The following TMEM214 variants were observed in gnomAD, a reference collection of about 807,000 sequenced individuals.
TMEM214 encodes transmembrane protein 214.
In TMEM214, 71 loss-of-function variants were observed where a neutral mutation model predicts 89.8. The ratio of observed to expected loss-of-function variants is 0.79; its 90% CI spans 0.65 to 0.96. TMEM214 has a LOEUF of 0.96. Ranked by LOEUF, TMEM214 falls within the 40% of genes least tolerant of loss-of-function variation. TMEM214 has a pLI of 0.00. For missense variants in TMEM214, 754 were observed against 843.4 expected (o/e 0.89, Z 1.31); for synonymous variants, 332 against 349.5 (o/e 0.95, Z 0.56).
chr2:27,040,543 TC>T (rs1308886009), intron 16 of TMEM214, 47 bp downstream of exon 16: 1 of 1,602,674 alleles, frequency 6.2e-7, no homozygotes, highest in Non-Finnish European at 8.5e-7. Context: ...GCAGCCCCAT[TC>T]CCGGGCCCCA....
At position 27,041,418 on chromosome 2, in the gene TMEM214, A is replaced by G. The variant is rs982881568; in HGVS notation, c.*581A>G. 1.9e-5 allele frequency: 3 copies of G among 154,448 alleles called. No individual in the cohort carries two copies. Among genetic ancestry groups the G allele is most frequent in the Non-Finnish European group, 4.4e-5 (3 of 68,588 alleles). The allele number at this position is 154,448 out of a possible 1,614,324, so 9.6% of individuals were successfully genotyped here. A position where few individuals can be genotyped will look rare whatever the true frequency, so the allele number is the denominator to read the frequency against. The stretch of plus-strand genomic sequence containing the variant: ...CTGGATGGAAATGCCTCTCACTTCA[A>G]AATGCCCAGCCTGCCCCAAATGCCT... On this transcript the variant is annotated 3_prime_UTR_variant, in exon 17 of 17. Transcript: ENST00000238788.
At position 27,038,112 on chromosome 2, in the gene TMEM214, C is replaced by T. The variant is rs1667650678; in HGVS notation, c.1153-34C>T. On this transcript the variant is annotated intron_variant, in intron 9 of 16. Coordinates refer to ENST00000238788, the MANE Select transcript of TMEM214 (RefSeq NM_017727.5). The surrounding 1 kb of genome is among the most constrained non-coding windows in gnomAD (Gnocchi z 4.4). ...CTCCCCGCCTCTGCCAGCCCCATGC[C>T]CCCAGCAGCCTCTCCCTCTGTCGTG... 1 of 1,613,876 alleles carries T rather than the reference C, an allele frequency of 6.2e-7. No individual in the cohort carries two copies. The highest frequency in any genetic ancestry group is 8.5e-7 in the Non-Finnish European group (1 of 1,179,894).
At chr2:27,034,749 AATTTTT>A in intron 2 of TMEM214, 1 of 211,312 alleles carries the variant, frequency 4.7e-6, no homozygotes, top group South Asian at 7.7e-5. Context: ...ACGCCTGGCT[AATTTTT>A]GTATTTTTAG....
rs190870924 is a variant in TMEM214 at position 27,034,234 on chromosome 2, C to T, written c.319C>T (p.Arg107Cys). Reference sequence around the variant, plus strand: ...TCCCAACCAAAACCAGAAGCAGGGCCGCTTCCGCAGCCTGGAGGAAGCACT... The same window carrying T: ...TCCCAACCAAAACCAGAAGCAGGGCTGCTTCCGCAGCCTGGAGGAAGCACT... ...TPPNQNQKQG[R>C]FRSLEEALKA... The change falls in exon 2 of 17, where the codon CGC becomes TGC. Residue 107 changes from arginine (R) to cysteine (C), a missense_variant. By Grantham distance (180) the Arg-to-Cys change is radical. Coordinates refer to ENST00000238788, the MANE Select transcript of TMEM214 (RefSeq NM_017727.5). 59 of 1,614,066 alleles carry T rather than the reference C, an allele frequency of 3.7e-5. No individual in the cohort carries two copies. The highest frequency in any genetic ancestry group is 5.5e-5 in the South Asian group (5 of 91,064).
chr2:27,036,778 G>C lies in TMEM214; in HGVS notation c.900G>C (p.Arg300=). 15 of 1,614,062 alleles carry C rather than the reference G, an allele frequency of 9.3e-6. No individual in the cohort carries two copies. The highest frequency in any genetic ancestry group is 1.3e-5 in the Non-Finnish European group (15 of 1,180,028). The change falls in exon 7 of 17, where the codon CGG becomes CGC. Residue 300 remains arginine (R), a synonymous_variant. Coordinates refer to ENST00000238788, the MANE Select transcript of TMEM214 (RefSeq NM_017727.5). ...LSPFAITYLD[R]LLLMHPNLTK... is the part of the protein sequence containing the mutation. ...CCTTTGCCATCACATACCTGGATCG[G>C]CTGCTCCTGTGAGTAATGGGAGGGC...
intron 3 of TMEM214, 147 bp downstream of exon 3, chr2:27,035,432 G>A: frequency 7.1e-7 from 1 of 1,413,478 alleles, no homozygotes; most frequent in Non-Finnish European, 9.6e-7. Flanking sequence ...ATGTTTCTGG[G>A]CCTCATTCTG....
In TMEM214 at chr2:27,037,747, C is replaced by T. The variant is rs772305146; in HGVS notation, c.1152+45C>T. On this transcript the variant is annotated intron_variant, in intron 9 of 16. Transcript: ENST00000238788. ...CTTTTTCTCCTTCCCCAGGGGTCAG[C>T]TGTAGCGGTCCCTATCTGCTGACAA... The T allele has an allele frequency of 1.9e-5, 31 of 1,614,052 alleles. No individual in the cohort carries two copies. In the East Asian group the frequency reaches 6.9e-4, roughly 36 times the overall value.
rs1398675641 is a variant in TMEM214 at position 27,037,510 on chromosome 2, A to G, written c.1011-51A>G. 1.9e-6 allele frequency: 3 copies of G among 1,612,658 alleles called. No homozygotes were observed. The East Asian group carries it at 6.7e-5, about 36-fold the overall frequency. On this transcript the variant is annotated intron_variant, in intron 8 of 16. Transcript: ENST00000238788. Reference sequence around the variant, plus strand: ...CTGAAGCAAGCAAAAGGTTCATATCATACAGCTCCACTTATAGCTTATGCC... The same window carrying G: ...CTGAAGCAAGCAAAAGGTTCATATCGTACAGCTCCACTTATAGCTTATGCC...
Position 27,033,015 on chromosome 2 carries a change from C to A in TMEM214, c.-1C>A. The stretch of plus-strand genomic sequence containing the variant: ...TGGCCGAGGAGGGAGGGCTGCGAGC[C>A]ATGGCGACCAAGACGGCGGGCGTGG... On this transcript the variant is annotated 5_prime_UTR_variant, in exon 1 of 17. Transcript: ENST00000238788. 8.0e-7 allele frequency: 1 copy of A among 1,246,652 alleles called. No homozygotes were observed. The highest frequency in any genetic ancestry group is 1.0e-6 in the Non-Finnish European group (1 of 987,854). 77.2% of individuals were successfully genotyped at this position (1,246,652 alleles called of 1,614,324 possible).
Position 27,034,095 on chromosome 2 carries a change from T to A in TMEM214, c.180T>A (p.Tyr60Ter). The change falls in exon 2 of 17, where the codon TAT becomes TAA. Residue 60 changes from tyrosine (Y) to a stop codon, truncating the protein, a stop_gained. Transcript: ENST00000238788. LOFTEE classifies it high-confidence loss of function. ...CAATCCAGACCACAAGCACCCTTTATGAGCGGGGCTTTGAGAATATCATGA... is the reference window on the plus strand; with the variant it reads ...CAATCCAGACCACAAGCACCCTTTAAGAGCGGGGCTTTGAGAATATCATGA... Reference protein sequence around the residue: ...TPAIQTTSTLYERGFENIMKR... With the variant: ...TPAIQTTSTL 1 of 1,614,084 alleles carries A rather than the reference T, an allele frequency of 6.2e-7. No homozygotes were observed. The highest frequency in any genetic ancestry group is 8.5e-7 in the Non-Finnish European group (1 of 1,180,018).
At position 27,037,161 on chromosome 2, in the gene TMEM214, C is replaced by T. The variant is rs878870687; in HGVS notation, c.993C>T (p.Asn331=). The part of the protein sequence containing the change: ...FPLLDFAYMP[N]NSLTPSLQEQ... The stretch of plus-strand genomic sequence containing the variant: ...TTCTGGACTTTGCCTATATGCCGAA[C>T]AACTCCCTGACACCCAGGTAGGACT... The change falls in exon 8 of 17, where the codon AAC becomes AAT. Residue 331 remains asparagine, a synonymous_variant. Transcript: ENST00000238788. 6.2e-7 allele frequency: 1 copy of T among 1,613,910 alleles called. No individual in the cohort carries two copies. The highest frequency in any genetic ancestry group is 1.1e-5 in the South Asian group (1 of 91,052).
Position 27,040,204 on chromosome 2 carries a change from T to C in TMEM214, c.1791+6T>C, listed in dbSNP as rs761775221. On this transcript the variant is annotated splice_donor_region_variant and intron_variant, in intron 15 of 16. Transcript: ENST00000238788. Reference sequence around the variant, plus strand: ...TCACCAGTCTCTCTCAGAGGGTAAGTCAGAGACAGGGAGTCAAATAAGGGG... The same window carrying C: ...TCACCAGTCTCTCTCAGAGGGTAAGCCAGAGACAGGGAGTCAAATAAGGGG... The C allele has an allele frequency of 2.5e-6, 4 of 1,605,422 alleles. No individual in the cohort carries two copies. The Admixed American group carries it at 6.7e-5, about 27-fold the overall frequency.
chr2:27,039,305 T>C (rs1667715558), intron 13 of TMEM214, 141 bp downstream of exon 13: 2 of 700,492 alleles, frequency 2.9e-6, no homozygotes, highest in South Asian at 1.8e-5. Flanking sequence ...TACAGACAGA[T>C]TTTTTTGTCC....
chr2:27,039,503 T>C, intron 13 of TMEM214: 1 of 600,174 alleles, frequency 1.7e-6, no homozygotes, highest in Non-Finnish European at 3.0e-6. Context: ...ACCTGAGGCT[T>C]CCTGAAGCCT....
Position 27,036,719 on chromosome 2 carries a change from A to G in TMEM214, c.841A>G (p.Met281Val), listed in dbSNP as rs368753644. The change falls in exon 7 of 17, where the codon ATG (methionine) becomes GTG (valine). Residue 281 changes from methionine to valine, a missense_variant. Coordinates refer to ENST00000238788, the MANE Select transcript of TMEM214 (RefSeq NM_017727.5). ...TACCCCTGCAGTGTGGCTGGGGATC[A>G]TGCTGCCTGTGCTGGGCATCAAGTC... ...TEGLKVWLGI[M>V]LPVLGIKSLS... The G allele has an allele frequency of 5.6e-5, 90 of 1,614,072 alleles. No homozygotes were observed. Among genetic ancestry groups the G allele is most frequent in the Non-Finnish European group, 7.5e-5 (88 of 1,180,042 alleles).
At chr2:27,034,504 C>A (rs1667461063) in intron 2 of TMEM214, 12 of 522,624 alleles carry the variant, frequency 2.3e-5, no homozygotes, top group Admixed American at 3.7e-5. Context: ...GCCTTGAAGA[C>A]CCAGGAACAC....
intron 2 of TMEM214, 128 bp from the exon 3 acceptor site, chr2:27,035,007 A>T: frequency 1.0e-6 from 1 of 999,814 alleles, no homozygotes; most frequent in African/African-American, 1.6e-5. Context: ...CCATGTTCTT[A>T]TGCTTAAAAA....
chr2:27,033,266 C>G (rs992324601), intron 1 of TMEM214, 100 bp downstream of exon 1: 41 of 1,135,974 alleles, frequency 3.6e-5, no homozygotes, highest in Middle Eastern at 2.3e-4. Flanking sequence ...GGCACATCCC[C>G]GAGCGCCACG....
In TMEM214 at chr2:27,038,879, G is replaced by A. The variant is rs1232120630; in HGVS notation, c.1407+64G>A. On this transcript the variant is annotated intron_variant, in intron 12 of 16. Coordinates refer to ENST00000238788, the MANE Select transcript of TMEM214 (RefSeq NM_017727.5). This position sits in a 1 kb window ranked among gnomAD's most constrained non-coding sequence, Gnocchi z 4.4. ...TACATCTCTGTCTCAGCACACCTGG[G>A]TTGGGCCTGTATCACATTCCTGCCC... 44 of 1,513,012 alleles carry A rather than the reference G, an allele frequency of 2.9e-5. No individual in the cohort carries two copies. The highest frequency in any genetic ancestry group is 3.7e-5 in the Non-Finnish European group (40 of 1,093,800). The allele number at this position is 1,513,012 out of a possible 1,614,324, so 93.7% of individuals were successfully genotyped here.
Sources: gnomAD v4.1 joint callset for allele counts on GRCh38, gnomAD v4.1.1 for gene constraint, Gnocchi (gnomAD v3.1) non-coding constraint, MANE v1.5 for transcripts, NCBI Gene and HGNC (gene_info 2026-07-23, HGNC 2026-07-21) for gene names.